DCDC2C: variants seen among roughly 807,000 people sequenced by gnomAD.
DCDC2C encodes doublecortin domain-containing protein 2C.
A neutral mutation model predicts 45.0 loss-of-function variants in DCDC2C; 44 were observed. That is an observed-to-expected ratio of 0.98 (90% CI 0.77 to 1.26). The LOEUF (loss-of-function observed/expected upper bound fraction) is 1.26. DCDC2C is among the 50% of genes most tolerant of loss of function. The pLI, the probability that DCDC2C is intolerant of heterozygous loss-of-function variation, is 0.00. For synonymous variants in DCDC2C, 187 were observed against 178.8 expected (o/e 1.05, Z -0.37); for missense variants, 447 against 468.9 (o/e 0.95, Z 0.43).
chr2:3,837,443 G>T (rs1465803089), intron 10 of DCDC2C, among the ~76,000 whole-genome samples: 1 of 152,164 alleles, frequency 6.6e-6, no homozygotes, highest in Non-Finnish European at 1.5e-5. Flanking sequence ...AGGCACAGGG[G>T]ACACTCGGAG....
chr2:3,704,024 C>T lies in DCDC2C; in HGVS notation c.273C>T (p.Arg91=). The change falls in exon 1 of 11, where the codon CGC becomes CGT. Residue 91 remains arginine (R), a synonymous_variant. Coordinates refer to ENST00000399143, the MANE Select transcript of DCDC2C (RefSeq NM_001287444.2). ...AGTACGTGGCGGCGGGCCGCGAGCG[C>T]TTCAAGGAGCTCGAGTAAGTGCGCC... The part of the protein sequence containing the change: ...GGKYVAAGRE[R]FKELDYIHIV... 7.8e-7 allele frequency: 1 copy of T among 1,274,666 alleles called. No individual in the cohort carries two copies. Among genetic ancestry groups the T allele is most frequent in the Non-Finnish European group, 9.9e-7 (1 of 1,009,776 alleles). 79.0% of individuals were successfully genotyped at this position (1,274,666 alleles called of 1,614,324 possible).
chr2:3,737,750 G>C (rs1467764863), intron 3 of DCDC2C, among the ~76,000 whole-genome samples: 8 of 152,176 alleles, frequency 5.3e-5, no homozygotes, highest in African/African-American at 1.9e-4. Context: ...TTCATGGCTA[G>C]TGCTGAGGAA....
chr2:3,825,017 G>A (rs905508070), intron 10 of DCDC2C, among the ~76,000 whole-genome samples: 6 of 152,122 alleles, frequency 3.9e-5, no homozygotes, highest in African/African-American at 7.2e-5. Flanking sequence ...GGCAGTGACC[G>A]GTTTTGCTGT....
intron 10 of DCDC2C, chr2:3,844,165 A>C (rs1361674487): frequency 6.6e-6 from 1 of 152,344 alleles, no homozygotes; most frequent in African/African-American, 2.4e-5. Flanking sequence ...CACCGATGGG[A>C]CAATCACAAG....
At chr2:3,792,415 T>C (rs373948586) in intron 10 of DCDC2C, among the ~76,000 whole-genome samples, 4 of 152,202 alleles carry the variant, frequency 2.6e-5, no homozygotes, top group African/African-American at 9.6e-5. Context: ...GACCACATAA[T>C]GCACAAGCCA....
chr2:3,831,981 G>A (rs899571071), intron 10 of DCDC2C, among the ~76,000 whole-genome samples: 9 of 152,264 alleles, frequency 5.9e-5, no homozygotes, highest in East Asian at 5.8e-4. Flanking sequence ...GTTCTGTTGC[G>A]TCATGTGCAG....
chr2:3,787,248 CATAAT>C (rs1049927216), intron 10 of DCDC2C, among the ~76,000 whole-genome samples: 14 of 152,326 alleles, frequency 9.2e-5, no homozygotes, highest in African/African-American at 3.1e-4. Context: ...TTTTACCAAA[CATAAT>C]GTAATGAAAA....
At chr2:3,737,826 T>G (rs1669074906) in intron 3 of DCDC2C, among the ~76,000 whole-genome samples, 1 of 152,246 alleles carries the variant, frequency 6.6e-6, no homozygotes, top group African/African-American at 2.4e-5. Flanking sequence ...CTACTTCCCA[T>G]TTTAAACAAT....
chr2:3,790,965 C>A (rs1486397298), intron 10 of DCDC2C, among the ~76,000 whole-genome samples: 2 of 152,002 alleles, frequency 1.3e-5, no homozygotes, highest in Admixed American at 6.6e-5. Context: ...AAAAAATGAG[C>A]CAGGCGTGGT....
At chr2:3,811,557 T>C (rs1434247546) in intron 10 of DCDC2C, among the ~76,000 whole-genome samples, 5 of 152,250 alleles carry the variant, frequency 3.3e-5, no homozygotes, top group Non-Finnish European at 5.9e-5. Context: ...TTTTCCTATT[T>C]GAACACACTT....
At chr2:3,764,265 G>A (rs1441551532) in intron 6 of DCDC2C, among the ~76,000 whole-genome samples, 1 of 152,242 alleles carries the variant, frequency 6.6e-6, no homozygotes, top group Non-Finnish European at 1.5e-5. Context: ...GATTCAATTT[G>A]TAAGGTCCTC....
chr2:3,723,918 A>C (rs1378531108), intron 2 of DCDC2C, among the ~76,000 whole-genome samples: 1 of 152,126 alleles, frequency 6.6e-6, no homozygotes, highest in Admixed American at 6.5e-5. Flanking sequence ...CCATAACAAG[A>C]TAGAGGTACC....
In DCDC2C at chr2:3,786,376, C is replaced by T. The variant is rs1180135065; in HGVS notation, c.1065+1276C>T. The stretch of plus-strand genomic sequence containing the variant: ...GTGTCCCGCCTGTGCACGGAGCCTC[C>T]GGTGCGGGTGTGTCCCGCCTGTGCA... On this transcript the variant is annotated intron_variant, in intron 10 of 10. Transcript: ENST00000399143. 7.2e-4 allele frequency among the ~76,000 whole-genome samples: 98 copies of T among 136,556 alleles called. 3 individuals are homozygous for T. Among genetic ancestry groups the T allele is most frequent in the African/African-American group, 2.4e-3 (86 of 35,734 alleles). 89.6% of individuals were successfully genotyped at this position (136,556 alleles called of 152,430 possible). A position where few individuals can be genotyped will look rare whatever the true frequency, so the allele number is the denominator to read the frequency against.
chr2:3,794,768 T>C (rs964469470), intron 10 of DCDC2C, among the ~76,000 whole-genome samples: 1 of 152,290 alleles, frequency 6.6e-6, no homozygotes, highest in Non-Finnish European at 1.5e-5. Flanking sequence ...TCTATCACTT[T>C]GGACATTTGG....
chr2:3,776,023 T>A (rs1425669387), intron 8 of DCDC2C, among the ~76,000 whole-genome samples: 1 of 152,114 alleles, frequency 6.6e-6, no homozygotes, highest in Non-Finnish European at 1.5e-5. Context: ...GTACAGGATG[T>A]TTAATCTGTG....
At chr2:3,754,482 C>A in intron 5 of DCDC2C, 110 bp from the exon 6 acceptor site, 1 of 1,057,060 alleles carries the variant, frequency 9.5e-7, no homozygotes, top group Non-Finnish European at 1.4e-6. Flanking sequence ...GGACAGCTTG[C>A]TCCTCCTCGT....
chr2:3,790,965 C>T (rs1486397298), intron 10 of DCDC2C, among the ~76,000 whole-genome samples: 12 of 152,002 alleles, frequency 7.9e-5, no homozygotes, highest in Admixed American at 7.9e-4. Context: ...AAAAAATGAG[C>T]CAGGCGTGGT....
chr2:3,803,159 CT>C (rs1370543886), intron 10 of DCDC2C, among the ~76,000 whole-genome samples: 2 of 152,234 alleles, frequency 1.3e-5, no homozygotes, highest in Non-Finnish European at 2.9e-5. Flanking sequence ...GGCTCTACCC[CT>C]GATATTCTCG....
intron 10 of DCDC2C, among the ~76,000 whole-genome samples, chr2:3,793,112 G>A (rs1479071228): frequency 6.6e-6 from 1 of 151,974 alleles, no homozygotes; most frequent in Non-Finnish European, 1.5e-5. Flanking sequence ...GGGTATCCAC[G>A]GCGTTGCAAA....
Sources: gnomAD v4.1 joint callset for allele counts (sites outside exome capture counted in the v4.1 genomes callset) on GRCh38, gnomAD v4.1.1 for gene constraint, MANE v1.5 for transcripts, NCBI Gene and HGNC (gene_info 2026-07-23, HGNC 2026-07-21) for gene names.